The following NRIP1 variants were observed in gnomAD, a reference collection of about 807,000 sequenced individuals.
NRIP1 encodes nuclear receptor-interacting protein 1.
A neutral mutation model predicts 75.0 loss-of-function variants in NRIP1; 28 were observed. That is an observed-to-expected ratio of 0.37 (90% CI 0.28 to 0.51). NRIP1 has a LOEUF of 0.51. Ranked by LOEUF, NRIP1 falls within the 20% of genes least tolerant of loss-of-function variation. NRIP1 has a pLI of 0.92. For missense variants in NRIP1, 1,435 were observed against 1,343.7 expected, an observed-to-expected ratio of 1.07 and a Z score of -1.06; for synonymous variants, 526 against 487.6, an observed-to-expected ratio of 1.08 and a Z score of -1.04.
Position 14,964,773 on chromosome 21 carries a change from A to G in NRIP1, c.3420T>C (p.Asn1140=). Residue 1140 remains asparagine (N), a synonymous_variant, in exon 4 of 4, where the codon AAT becomes AAC. Transcript: ENST00000318948. ...TTCCCAGAAGTCCATAAACTTCTCC[A>G]TTTGCGCTGTGTGGGCGAGAAGCAT... ...GNNASRPHSA[N]GEVYGLLGSV... is the part of the protein sequence containing the mutation. 3.1e-6 allele frequency: 5 copies of G among 1,594,362 alleles called. No homozygotes were observed. Among genetic ancestry groups the G allele is most frequent in the Non-Finnish European group, 4.3e-6 (5 of 1,174,164 alleles).
At chr21:15,002,714 C>T (rs1037574686) in intron 3 of NRIP1, among the ~76,000 whole-genome samples, 3 of 152,104 alleles carry the variant, frequency 2.0e-5, no homozygotes, top group African/African-American at 7.2e-5. Context: ...TAAAACTAGG[C>T]ATTTTTCTTA....
intron 3 of NRIP1, among the ~76,000 whole-genome samples, chr21:14,996,552 G>C (rs2087731127): frequency 6.6e-6 from 1 of 152,060 alleles, no homozygotes; most frequent in African/African-American, 2.4e-5. Flanking sequence ...AGAGCACCTC[G>C]GAGATCACAG....
chr21:15,053,476 C>T (rs1236191074), intron 1 of NRIP1, among the ~76,000 whole-genome samples: 2 of 152,154 alleles, frequency 1.3e-5, no homozygotes, highest in Non-Finnish European at 2.9e-5. Flanking sequence ...TTAGCTACAA[C>T]TTTTAGTTCA....
intron 2 of NRIP1, among the ~76,000 whole-genome samples, chr21:15,033,051 CTG>C (rs2088746630): frequency 6.6e-6 from 1 of 151,948 alleles, no homozygotes; most frequent in South Asian, 2.1e-4. Context: ...TGGTGAAACC[CTG>C]TTTCTACTAA....
At chr21:15,028,509 G>T (rs1288386217) in intron 2 of NRIP1, among the ~76,000 whole-genome samples, 1 of 152,200 alleles carries the variant, frequency 6.6e-6, no homozygotes, top group Non-Finnish European at 1.5e-5. Flanking sequence ...TCCTTGGGTT[G>T]TATTTCTTTT....
intron 1 of NRIP1, among the ~76,000 whole-genome samples, chr21:15,045,370 T>C (rs973185918): frequency 6.6e-6 from 1 of 152,254 alleles, no homozygotes; most frequent in Admixed American, 6.5e-5. Context: ...ACAAGTTTTT[T>C]GGTTTCCTAG....
chr21:14,962,011 C>T lies in NRIP1; in HGVS notation c.*2705G>A, dbSNP rs1568929938. ...TAACAAGTCAATATATATATATATACATATTATATATATATATATATATAT... is the reference window on the plus strand; with the variant it reads ...TAACAAGTCAATATATATATATATATATATTATATATATATATATATATAT... On this transcript the variant is annotated 3_prime_UTR_variant, in exon 4 of 4. Coordinates refer to ENST00000318948, the MANE Select transcript of NRIP1 (RefSeq NM_003489.4). 1.3e-5 allele frequency: 1 copy of T among 75,924 alleles called. No individual in the cohort carries two copies. The highest frequency in any genetic ancestry group is 2.3e-5 in the Non-Finnish European group (1 of 44,320). The allele number at this position is 75,924 out of a possible 1,614,324, so 4.7% of individuals were successfully genotyped here. A position where few individuals can be genotyped will look rare whatever the true frequency, so the allele number is the denominator to read the frequency against.
At chr21:15,050,671 T>C in intron 1 of NRIP1, 1 of 454,330 alleles carries the variant, frequency 2.2e-6, no homozygotes, top group Non-Finnish European at 4.4e-6. Context: ...AGCAAGTACA[T>C]ATGTGTGTAT....
chr21:15,010,142 T>G (rs1346874351), intron 3 of NRIP1, among the ~76,000 whole-genome samples: 1 of 152,208 alleles, frequency 6.6e-6, no homozygotes, highest in Non-Finnish European at 1.5e-5. Context: ...GAAGAAATTC[T>G]AGTTATCTAA....
intron 3 of NRIP1, among the ~76,000 whole-genome samples, chr21:15,006,974 A>C (rs2087988158): frequency 6.6e-6 from 1 of 152,182 alleles, no homozygotes; most frequent in Non-Finnish European, 1.5e-5. Context: ...AAAATGAGTA[A>C]GGGCTAGCCA....
intron 3 of NRIP1, among the ~76,000 whole-genome samples, chr21:14,993,601 C>A (rs191769182): frequency 4.0e-5 from 6 of 151,536 alleles, no homozygotes; most frequent in Admixed American, 3.3e-4. Context: ...GGCAACACAG[C>A]GAGACCCCAT....
chr21:15,013,724 C>T (rs954112661), intron 3 of NRIP1, among the ~76,000 whole-genome samples: 4 of 152,278 alleles, frequency 2.6e-5, no homozygotes, highest in African/African-American at 9.6e-5. Flanking sequence ...TTTTTTGTTG[C>T]TCTGCCCACC....
chr21:15,049,908 T>C (rs370001426), intron 1 of NRIP1, among the ~76,000 whole-genome samples: 1 of 152,170 alleles, frequency 6.6e-6, no homozygotes, highest in East Asian at 1.9e-4. Flanking sequence ...CAGATGGACA[T>C]ATATTTAATT....
chr21:15,043,669 A>G (rs903500702), intron 1 of NRIP1, 95 bp from the exon 2 acceptor site: 1 of 152,238 alleles, frequency 6.6e-6, no homozygotes, highest in African/African-American at 2.4e-5. Context: ...AATCATCTCA[A>G]AAAACAACAA....
At chr21:15,018,155 ATAT>A (rs1322631165) in intron 2 of NRIP1, among the ~76,000 whole-genome samples, 1 of 152,204 alleles carries the variant, frequency 6.6e-6, no homozygotes, top group East Asian at 1.9e-4. Flanking sequence ...ATATTATGAA[ATAT>A]TATACAATCT....
chr21:15,037,262 T>C (rs1438576764), intron 2 of NRIP1, among the ~76,000 whole-genome samples: 1 of 152,222 alleles, frequency 6.6e-6, no homozygotes. Context: ...CAAGTCTTCA[T>C]ACAAAGCACA....
At position 14,967,662 on chromosome 21, in the gene NRIP1, G is replaced by C; in HGVS notation, c.531C>G (p.Cys177Trp). Reference sequence around the variant, plus strand: ...TTAAGTGACTTGATGCAACACCATAGCACCTTAAATCCTTCTCCACTTTTA... The same window carrying C: ...TTAAGTGACTTGATGCAACACCATACCACCTTAAATCCTTCTCCACTTTTA... ...DSLKVEKDLRCYGVASSHLKT... is the reference protein window; with the variant it reads ...DSLKVEKDLRWYGVASSHLKT... Residue 177 changes from cysteine (C) to tryptophan (W), a missense_variant, in exon 4 of 4, where the codon TGC becomes TGG. By Grantham distance (215) the Cys-to-Trp change is radical. Coordinates refer to ENST00000318948, the MANE Select transcript of NRIP1 (RefSeq NM_003489.4). 2.5e-6 allele frequency: 4 copies of C among 1,614,030 alleles called. No individual in the cohort carries two copies. The highest frequency in any genetic ancestry group is 3.4e-6 in the Non-Finnish European group (4 of 1,179,992).
intron 3 of NRIP1, among the ~76,000 whole-genome samples, chr21:14,971,239 G>C (rs1298040444): frequency 1.3e-5 from 2 of 152,058 alleles, no homozygotes; most frequent in East Asian, 3.8e-4. Flanking sequence ...CTGAACCTTG[G>C]GATACATTAA....
intron 2 of NRIP1, among the ~76,000 whole-genome samples, chr21:15,021,061 G>A (rs1451286623): frequency 6.6e-6 from 1 of 152,012 alleles, no homozygotes; most frequent in East Asian, 1.9e-4. Context: ...TTGTACACTG[G>A]AGTACCTAAG....
Sources: gnomAD v4.1 joint callset for allele counts (sites outside exome capture counted in the v4.1 genomes callset) on GRCh38, gnomAD v4.1.1 for gene constraint, MANE v1.5 for transcripts, NCBI Gene and HGNC (gene_info 2026-07-23, HGNC 2026-07-21) for gene names.